The following FGF14 variants were observed in gnomAD, a reference collection of about 807,000 sequenced individuals.
FGF14 encodes the protein fibroblast growth factor homologous factor 4.
A neutral mutation model predicts 25.5 loss-of-function variants in FGF14; 5 were observed. That is an observed-to-expected ratio of 0.20 (90% CI 0.10 to 0.41). The LOEUF (loss-of-function observed/expected upper bound fraction) is 0.41. Among genes scored for constraint, FGF14 ranks in the 10% least tolerant of loss-of-function variants. FGF14 has a pLI of 1.00. For missense variants in FGF14, 222 were observed against 320.1 expected (o/e 0.69, Z 2.34); for synonymous variants, 138 against 118.3 (o/e 1.17, Z -1.08).
intron 1 of FGF14, among the ~76,000 whole-genome samples, chr13:101,905,189 C>A (rs1342078112): frequency 6.6e-6 from 1 of 152,152 alleles, no homozygotes; most frequent in Non-Finnish European, 1.5e-5. Flanking sequence ...ACTGTCCCAG[C>A]AGTTTCTGCA....
chr13:101,981,677 TCG>T (rs1566529384), intron 1 of FGF14, among the ~76,000 whole-genome samples: 1 of 151,854 alleles, frequency 6.6e-6, no homozygotes, highest in Admixed American at 6.6e-5. Flanking sequence ...ACAAAAACCC[TCG>T]AAATTATACT....
intron 1 of FGF14, among the ~76,000 whole-genome samples, chr13:102,397,282 C>G (rs952267217): frequency 6.6e-6 from 1 of 152,104 alleles, no homozygotes; most frequent in Non-Finnish European, 1.5e-5. Context: ...TGTTTTGGCA[C>G]CTAAAACAGC....
At chr13:102,275,618 G>A (rs2053498201) in intron 1 of FGF14, among the ~76,000 whole-genome samples, 1 of 152,186 alleles carries the variant, frequency 6.6e-6, no homozygotes, top group Non-Finnish European at 1.5e-5. Context: ...AAGAACATTA[G>A]ATATAGAATC....
intron 1 of FGF14, among the ~76,000 whole-genome samples, chr13:102,027,776 G>A (rs11617740): frequency 0.056 from 8,481 of 152,040 alleles, 304 homozygotes; most frequent in Non-Finnish European, 0.086. Context: ...GTGTCTTCAT[G>A]CTTGACTGGG....
intron 3 of FGF14, among the ~76,000 whole-genome samples, chr13:101,847,163 A>T (rs1385623344): frequency 6.6e-6 from 1 of 152,070 alleles, no homozygotes; most frequent in Non-Finnish European, 1.5e-5. Context: ...TTAGGTTAGA[A>T]ATAAAGAAGA....
intron 1 of FGF14, among the ~76,000 whole-genome samples, chr13:102,387,788 G>A (rs1472357973): frequency 6.6e-6 from 1 of 152,050 alleles, no homozygotes; most frequent in Non-Finnish European, 1.5e-5. Flanking sequence ...CTGGAGTGCA[G>A]TGGCACAATC....
chr13:102,228,404 G>A (rs1334687991), intron 1 of FGF14, among the ~76,000 whole-genome samples: 1 of 152,112 alleles, frequency 6.6e-6, no homozygotes, highest in Non-Finnish European at 1.5e-5. Flanking sequence ...GGTGCCCTCT[G>A]CCCCTTAAAC....
intron 1 of FGF14, among the ~76,000 whole-genome samples, chr13:102,259,982 G>A (rs759941546): frequency 5.9e-5 from 9 of 152,270 alleles, no homozygotes; most frequent in Non-Finnish European, 1.0e-4. Flanking sequence ...CCACGTTCCC[G>A]ACACCCTTTC....
At chr13:102,052,960 G>C (rs533238355) in intron 1 of FGF14, among the ~76,000 whole-genome samples, 1 of 152,108 alleles carries the variant, frequency 6.6e-6, no homozygotes, top group East Asian at 1.9e-4. Flanking sequence ...AAAATACCAA[G>C]AGCTACAATA....
chr13:101,851,989 C>T (rs1235006560), intron 3 of FGF14, among the ~76,000 whole-genome samples: 1 of 152,062 alleles, frequency 6.6e-6, no homozygotes, highest in East Asian at 1.9e-4. Context: ...TCAGGTCAGC[C>T]GTGCCTAGGG....
intron 3 of FGF14, among the ~76,000 whole-genome samples, chr13:101,791,125 C>T (rs2040210077): frequency 6.6e-6 from 1 of 152,090 alleles, no homozygotes; most frequent in Admixed American, 6.6e-5. Context: ...TGTCTCTTCC[C>T]CTTTACAGCT....
intron 1 of FGF14, among the ~76,000 whole-genome samples, chr13:102,029,714 T>C (rs2139925697): frequency 6.6e-6 from 1 of 152,264 alleles, no homozygotes; most frequent in East Asian, 1.9e-4. Flanking sequence ...CAAAACTGTT[T>C]TTTAACCCTC....
chr13:102,340,585 T>C (rs1044458935), intron 1 of FGF14, among the ~76,000 whole-genome samples: 1 of 152,202 alleles, frequency 6.6e-6, no homozygotes, highest in African/African-American at 2.4e-5. Flanking sequence ...TCAGTCCTTT[T>C]GTCTAACTAT....
At chr13:101,941,257 T>C (rs756562777) in intron 1 of FGF14, among the ~76,000 whole-genome samples, 4 of 152,200 alleles carry the variant, frequency 2.6e-5, no homozygotes, top group Non-Finnish European at 4.4e-5. Context: ...CCTTCATGTG[T>C]AGTGTATGCT....
At chr13:101,886,282 C>T (rs1436675180) in intron 1 of FGF14, among the ~76,000 whole-genome samples, 2 of 152,136 alleles carry the variant, frequency 1.3e-5, no homozygotes, top group East Asian at 3.9e-4. Flanking sequence ...CACTGCCTGA[C>T]TTCAAAATAT....
At chr13:101,832,222 C>T (rs1438041985) in intron 3 of FGF14, among the ~76,000 whole-genome samples, 22 of 151,912 alleles carry the variant, frequency 1.4e-4, no homozygotes, top group Admixed American at 1.3e-3. Flanking sequence ...CCACCGGAAA[C>T]CAGGAAAGGA....
At chr13:101,844,117 A>G (rs957777959) in intron 3 of FGF14, among the ~76,000 whole-genome samples, 3 of 151,986 alleles carry the variant, frequency 2.0e-5, no homozygotes, top group African/African-American at 7.2e-5. Flanking sequence ...TGTGTCTTCT[A>G]TTTATTGCCA....
intron 1 of FGF14, among the ~76,000 whole-genome samples, chr13:101,906,631 A>G (rs2032280138): frequency 6.6e-6 from 1 of 152,204 alleles, no homozygotes; most frequent in Non-Finnish European, 1.5e-5. Flanking sequence ...TGTTGAGCCA[A>G]GTAGTTACAT....
At chr13:102,277,822 T>G (rs1363872895) in intron 1 of FGF14, among the ~76,000 whole-genome samples, 1 of 152,248 alleles carries the variant, frequency 6.6e-6, no homozygotes, top group Non-Finnish European at 1.5e-5. Flanking sequence ...ACTGAGTTCT[T>G]AGCCTACTTT....
Sources: gnomAD v4.1 joint callset for allele counts (sites outside exome capture counted in the v4.1 genomes callset) on GRCh38, gnomAD v4.1.1 for gene constraint, MANE v1.5 for transcripts, NCBI Gene and HGNC (gene_info 2026-07-23, HGNC 2026-07-21) for gene names.